MBNL1: variants seen among roughly 807,000 people sequenced by gnomAD.
The protein encoded by MBNL1 is muscleblind-like protein 1.
MBNL1 carries 8 observed loss-of-function variants against 42.2 expected under a neutral mutation model. The observed-to-expected ratio is 0.19, with a 90% confidence interval of 0.11 to 0.34. The LOEUF is 0.34. Among genes scored for constraint, MBNL1 ranks in the 10% least tolerant of loss-of-function variants. The pLI is 1.00. For synonymous variants in MBNL1, 169 were observed against 173.9 expected (o/e 0.97, Z 0.22); for missense variants, 309 against 495.3 (o/e 0.62, Z 3.57).
intron 2 of MBNL1, among the ~76,000 whole-genome samples, chr3:152,349,854 G>T (rs947424012): frequency 6.6e-6 from 1 of 152,040 alleles, no homozygotes; most frequent in African/African-American, 2.4e-5. Flanking sequence ...ATTACCTTGA[G>T]ATTTATAGTT....
intron 2 of MBNL1, among the ~76,000 whole-genome samples, chr3:152,301,397 T>C (rs1394228485): frequency 6.6e-6 from 1 of 152,188 alleles, no homozygotes; most frequent in East Asian, 1.9e-4. Flanking sequence ...CTTCTACATA[T>C]GTAGAGAAGT....
intron 2 of MBNL1, among the ~76,000 whole-genome samples, chr3:152,321,317 A>G (rs950676512): frequency 1.2e-4 from 18 of 152,132 alleles, no homozygotes; most frequent in African/African-American, 4.3e-4. Flanking sequence ...CCACTTGAGC[A>G]TTGTGATATG....
intron 2 of MBNL1, among the ~76,000 whole-genome samples, chr3:152,316,877 T>G (rs1259252737): frequency 6.6e-6 from 1 of 152,098 alleles, no homozygotes. Flanking sequence ...TTTTATTTAT[T>G]TATTTATTTT....
chr3:152,427,752 A>T (rs2098952412), intron 3 of MBNL1, among the ~76,000 whole-genome samples: 1 of 150,472 alleles, frequency 6.6e-6, no homozygotes, highest in African/African-American at 2.4e-5. Flanking sequence ...TTTTAAAATA[A>T]AAATTTTAAA....
At chr3:152,451,586 A>G (rs535271815) in intron 6 of MBNL1, among the ~76,000 whole-genome samples, 7 of 152,212 alleles carry the variant, frequency 4.6e-5, no homozygotes, top group Non-Finnish European at 1.0e-4. Context: ...TTGCAAACTG[A>G]TAGCTCAAGG....
chr3:152,367,781 G>A (rs1280797294), intron 2 of MBNL1, among the ~76,000 whole-genome samples: 1 of 152,146 alleles, frequency 6.6e-6, no homozygotes, highest in Non-Finnish European at 1.5e-5. Flanking sequence ...AATGAACAGT[G>A]GTGATGAGCA....
intron 3 of MBNL1, among the ~76,000 whole-genome samples, chr3:152,432,207 T>A (rs1287800816): frequency 6.6e-6 from 1 of 152,246 alleles, no homozygotes; most frequent in Non-Finnish European, 1.5e-5. Flanking sequence ...TGAGATTTAT[T>A]TACAGCTTAC....
upstream of MBNL1, chr3:152,265,340 G>T (rs1174269165): frequency 2.0e-5 from 3 of 151,990 alleles, no homozygotes; most frequent in Non-Finnish European, 4.4e-5. Context: ...TTTTAAAAGA[G>T]TATACCTCCT....
At chr3:152,251,012 C>T (rs1484650185) in intron 2 of MBNL1, among the ~76,000 whole-genome samples, 1 of 152,066 alleles carries the variant, frequency 6.6e-6, no homozygotes, top group Admixed American at 6.6e-5. Context: ...GGCTTCATCC[C>T]TGGGATGCAA....
At chr3:152,282,861 A>G (rs918073467) in intron 1 of MBNL1, among the ~76,000 whole-genome samples, 2 of 152,212 alleles carry the variant, frequency 1.3e-5, no homozygotes, top group African/African-American at 4.8e-5. Flanking sequence ...GCATCACAAA[A>G]TAATACGGGA....
chr3:152,252,501 AAAC>A (rs1487172125), intron 2 of MBNL1, among the ~76,000 whole-genome samples: 1 of 152,034 alleles, frequency 6.6e-6, no homozygotes, highest in Non-Finnish European at 1.5e-5. Context: ...CATTTCTACT[AAAC>A]AAACCTGATA....
At chr3:152,460,860 C>T (rs1744507074) in intron 9 of MBNL1, among the ~76,000 whole-genome samples, 1 of 151,974 alleles carries the variant, frequency 6.6e-6, no homozygotes, top group Admixed American at 6.6e-5. Flanking sequence ...GTTTTTGGTG[C>T]TACTTTGTGT....
At chr3:152,411,536 A>C (rs558363288) in intron 2 of MBNL1, among the ~76,000 whole-genome samples, 2 of 151,980 alleles carry the variant, frequency 1.3e-5, no homozygotes, top group African/African-American at 4.8e-5. Flanking sequence ...AAAACAAAAC[A>C]AAAAAAACTG....
At chr3:152,338,379 C>A (rs1213970504) in intron 2 of MBNL1, 1 of 985,264 alleles carries the variant, frequency 1.0e-6, no homozygotes, top group Non-Finnish European at 1.2e-6. Context: ...TGCCTCTAAA[C>A]CCTTGTGAAA....
intron 2 of MBNL1, among the ~76,000 whole-genome samples, chr3:152,315,867 CTCT>C (rs2070743270): frequency 4.2e-5 from 2 of 48,128 alleles, no homozygotes; most frequent in Non-Finnish European, 8.5e-5. Flanking sequence ...CACACACACA[CTCT>C]CTCTCTCTCT....
At chr3:152,251,796 G>A (rs1299404558) in intron 2 of MBNL1, among the ~76,000 whole-genome samples, 1 of 151,890 alleles carries the variant, frequency 6.6e-6, no homozygotes, top group African/African-American at 2.4e-5. Context: ...TCAAGGTGTT[G>A]TCTGATTTCT....
intron 1 of MBNL1, among the ~76,000 whole-genome samples, chr3:152,275,566 G>T (rs547002732): frequency 1.3e-4 from 20 of 152,010 alleles, no homozygotes; most frequent in African/African-American, 4.6e-4. Context: ...AAAATTAGCT[G>T]GGCATGGTGG....
At chr3:152,304,180 G>T (rs1347187526) in intron 2 of MBNL1, among the ~76,000 whole-genome samples, 2 of 148,222 alleles carry the variant, frequency 1.3e-5, no homozygotes, top group African/African-American at 4.9e-5. Context: ...AACAACTAAA[G>T]CACTCAAAAT....
chr3:152,297,083 G>T (rs559831185), intron 1 of MBNL1, among the ~76,000 whole-genome samples: 80 of 152,220 alleles, frequency 5.3e-4, no homozygotes, highest in African/African-American at 1.9e-3. Flanking sequence ...TGGCTTTAGA[G>T]GAAGAAAATA....
Sources: allele counts gnomAD v4.1 joint callset (sites outside exome capture counted in the v4.1 genomes callset), GRCh38; gene constraint gnomAD v4.1.1; transcripts MANE v1.5; gene names NCBI Gene and HGNC (gene_info 2026-07-23, HGNC 2026-07-21).